The following TANC1 variants were observed in gnomAD, a reference collection of about 807,000 sequenced individuals.
The protein encoded by TANC1 is protein TANC1.
Under a neutral mutation model 149.7 loss-of-function variants are expected in TANC1, and 77 were observed. The observed-to-expected ratio is 0.51, with a 90% CI of 0.43 to 0.62. The LOEUF (loss-of-function observed/expected upper bound fraction) is 0.62, where lower values mean the gene tolerates loss of function less well. TANC1 is among the 20% of genes least tolerant of loss of function. The pLI is 0.00. For synonymous variants in TANC1, 854 were observed against 925.0 expected (o/e 0.92, Z 1.39); for missense variants, 1,985 against 2,321.8 (o/e 0.85, Z 2.98).
intron 14 of TANC1, among the ~76,000 whole-genome samples, chr2:159,180,161 G>A (rs2056332312): frequency 1.3e-5 from 2 of 152,190 alleles, no homozygotes; most frequent in Admixed American, 1.3e-4. Flanking sequence ...TGTTGGGGCT[G>A]TTATTATTTT....
At chr2:159,170,904 G>T in intron 10 of TANC1, 99 bp downstream of exon 10, 4 of 1,327,902 alleles carry the variant, frequency 3.0e-6, no homozygotes, top group Non-Finnish European at 4.2e-6. Flanking sequence ...TCCTCAAGTT[G>T]TTGCAGCTAC....
At chr2:159,022,503 T>C (rs1339217059) in intron 2 of TANC1, among the ~76,000 whole-genome samples, 2 of 152,018 alleles carry the variant, frequency 1.3e-5, no homozygotes, top group Non-Finnish European at 2.9e-5. Flanking sequence ...CCCAGCACTT[T>C]GGGAAGCTGA....
chr2:159,171,892 A>T (rs963121390), intron 10 of TANC1, among the ~76,000 whole-genome samples: 1 of 146,648 alleles, frequency 6.8e-6, no homozygotes, highest in Admixed American at 6.8e-5. Context: ...GAAAAAAAAA[A>T]TTTAATAGAG....
chr2:159,186,086 C>G (rs1203438716), intron 15 of TANC1, among the ~76,000 whole-genome samples, 187 bp downstream of exon 15: 3 of 152,198 alleles, frequency 2.0e-5, no homozygotes, highest in Non-Finnish European at 2.9e-5. Flanking sequence ...CATTTCCTTG[C>G]ATTTTGCTAT....
intron 14 of TANC1, among the ~76,000 whole-genome samples, chr2:159,184,938 C>G (rs1429549137): frequency 1.3e-5 from 2 of 152,128 alleles, no homozygotes; most frequent in African/African-American, 2.4e-5. Flanking sequence ...AGCAGGCATG[C>G]ACCTGGAAAG....
Position 159,170,752 on chromosome 2 carries a change from A to G in TANC1, c.1298A>G (p.His433Arg). The G allele has an allele frequency of 6.2e-7, 1 of 1,614,236 alleles. No homozygotes were observed. The highest frequency in any genetic ancestry group is 8.5e-7 in the Non-Finnish European group (1 of 1,180,034). ...TCCAAGTTGGTGGCCCTGAGCTGCCACGGAAGCCGCATGAGGCAGATTGCT... is the reference window on the plus strand; with the variant it reads ...TCCAAGTTGGTGGCCCTGAGCTGCCGCGGAAGCCGCATGAGGCAGATTGCT... ...IISKLVALSCHGSRMRQIASN... is the reference protein window; with the variant it reads ...IISKLVALSCRGSRMRQIASN... Residue 433 changes from histidine to arginine, a missense_variant, in exon 10 of 27, where the codon CAC (histidine) becomes CGC (arginine). Transcript: ENST00000263635.
intron 1 of TANC1, among the ~76,000 whole-genome samples, chr2:158,980,071 G>T (rs1037094820): frequency 6.6e-6 from 1 of 152,172 alleles, no homozygotes; most frequent in Non-Finnish European, 1.5e-5. Context: ...CATTCTGGGG[G>T]AAACTGAGTC....
chr2:159,228,528 G>A, intron 25 of TANC1: 1 of 439,368 alleles, frequency 2.3e-6, no homozygotes, highest in East Asian at 4.4e-5. Flanking sequence ...CTCTGAGGCT[G>A]CCCCTCCACC....
chr2:159,208,312 ATTAC>A (rs2058759386), intron 19 of TANC1, among the ~76,000 whole-genome samples: 1 of 152,218 alleles, frequency 6.6e-6, no homozygotes, highest in Non-Finnish European at 1.5e-5. Flanking sequence ...CAATTTTGCA[ATTAC>A]TTTGGAAGAT....
chr2:159,185,703 C>T, intron 14 of TANC1, 88 bp from the exon 15 acceptor site: 1 of 844,110 alleles, frequency 1.2e-6, no homozygotes, highest in Non-Finnish European at 1.9e-6. Context: ...AAATCAGTGA[C>T]TAAGGCAATG....
intron 1 of TANC1, among the ~76,000 whole-genome samples, chr2:158,998,815 G>A (rs1347742414): frequency 6.6e-6 from 1 of 152,188 alleles, no homozygotes; most frequent in African/African-American, 2.4e-5. Context: ...CATTTATTTG[G>A]GGAGAGCCAA....
At chr2:159,187,050 C>T (rs745690739) in intron 16 of TANC1, 26 bp downstream of exon 16, 19 of 1,612,486 alleles carry the variant, frequency 1.2e-5, no homozygotes, top group South Asian at 3.3e-5. Flanking sequence ...CACAGAGAGC[C>T]GGAGACCCAG....
chr2:159,078,518 C>G (rs904038345), intron 3 of TANC1, among the ~76,000 whole-genome samples: 1 of 152,158 alleles, frequency 6.6e-6, no homozygotes, highest in Non-Finnish European at 1.5e-5. Context: ...TAAGAGGTTA[C>G]AAAGCAATAT....
Position 158,968,752 on chromosome 2 carries a change from C to A in TANC1, c.-156C>A, listed in dbSNP as rs1039314336. 3 of 152,172 alleles carry A rather than the reference C, an allele frequency of 2.0e-5. No homozygotes were observed. Among genetic ancestry groups the A allele is most frequent in the African/African-American group, 4.8e-5 (2 of 41,448 alleles). The allele number at this position is 152,172 out of a possible 1,614,324, so 9.4% of individuals were successfully genotyped here. ...AGGCCCGGCCCTGGGTGTGGGGAACCGCGCTGAGGAGCTGGAAACTTTCCC... is the reference window on the plus strand; with the variant it reads ...AGGCCCGGCCCTGGGTGTGGGGAACAGCGCTGAGGAGCTGGAAACTTTCCC... On this transcript the variant is annotated 5_prime_UTR_variant, in exon 1 of 27. Transcript: ENST00000263635.
chr2:159,225,675 G>C lies in TANC1; in HGVS notation c.3812-13G>C, dbSNP rs761142297. 2 of 1,612,190 alleles carry C rather than the reference G, an allele frequency of 1.2e-6. No individual in the cohort carries two copies. The highest frequency in any genetic ancestry group is 3.3e-5 in the Admixed American group (2 of 59,998). On this transcript the variant is annotated splice_polypyrimidine_tract_variant and intron_variant, in intron 23 of 26. Coordinates refer to ENST00000263635, the MANE Select transcript of TANC1 (RefSeq NM_033394.3). ...GCCTCTGAAGTGCCTCTGAATGCGTGTTTGTTTTGCAGGAAATGCTGCTTG... is the reference window on the plus strand; with the variant it reads ...GCCTCTGAAGTGCCTCTGAATGCGTCTTTGTTTTGCAGGAAATGCTGCTTG...
intron 2 of TANC1, among the ~76,000 whole-genome samples, chr2:159,048,599 G>A (rs1025793807): frequency 6.6e-6 from 1 of 152,176 alleles, no homozygotes; most frequent in African/African-American, 2.4e-5. Context: ...TGTGAACATA[G>A]AAATTTTCCT....
intron 3 of TANC1, among the ~76,000 whole-genome samples, chr2:159,076,105 A>G (rs948676868): frequency 6.6e-6 from 1 of 152,020 alleles, no homozygotes; most frequent in Admixed American, 6.5e-5. Context: ...TTCTTCTTCA[A>G]TGATTGTCTT....
At chr2:158,995,210 AT>A (rs2036020436) in intron 1 of TANC1, among the ~76,000 whole-genome samples, 1 of 152,160 alleles carries the variant, frequency 6.6e-6, no homozygotes, top group Non-Finnish European at 1.5e-5. Context: ...CTGTATTTAC[AT>A]ATGTGATCTA....
At chr2:159,213,101 C>T (rs1327631135) in intron 19 of TANC1, among the ~76,000 whole-genome samples, 6 of 152,120 alleles carry the variant, frequency 3.9e-5, no homozygotes, top group Non-Finnish European at 7.4e-5. Flanking sequence ...GAAAGGAAGA[C>T]ACCCATGAAT....
Sources: gnomAD v4.1 joint callset for allele counts (sites outside exome capture counted in the v4.1 genomes callset) on GRCh38, gnomAD v4.1.1 for gene constraint, MANE v1.5 for transcripts, NCBI Gene and HGNC (gene_info 2026-07-23, HGNC 2026-07-21) for gene names.